Variants in TVP23A observed in about 807,000 individuals in gnomAD.
TVP23A encodes the protein trans-golgi network vesicle protein 23 homolog A.
In TVP23A, 21 loss-of-function variants were observed where a neutral mutation model predicts 31.7. That is an observed-to-expected ratio of 0.66 (90% CI 0.47 to 0.95). The LOEUF (loss-of-function observed/expected upper bound fraction) is 0.95. Ranked by LOEUF, TVP23A falls within the 40% of genes least tolerant of loss-of-function variation. The pLI, the probability that TVP23A is intolerant of heterozygous loss-of-function variation, is 0.00. For missense variants in TVP23A, 279 were observed against 255.6 expected, an observed-to-expected ratio of 1.09 and a Z score of -0.62; for synonymous variants, 104 against 96.0, an observed-to-expected ratio of 1.08 and a Z score of -0.49.
At chr16:10,812,168 T>C (rs1398980544) in intron 2 of TVP23A, among the ~76,000 whole-genome samples, 2 of 150,200 alleles carry the variant, frequency 1.3e-5, no homozygotes, top group Admixed American at 1.3e-4. Flanking sequence ...GCAGCATCAT[T>C]AACCATTAGG....
At chr16:10,803,356 G>C (rs1312399379) in intron 2 of TVP23A, among the ~76,000 whole-genome samples, 1 of 151,728 alleles carries the variant, frequency 6.6e-6, no homozygotes, top group South Asian at 2.1e-4. Context: ...ATTGAGCTTA[G>C]AGCAACAACA....
At chr16:10,806,300 A>G (rs955175819) in intron 2 of TVP23A, among the ~76,000 whole-genome samples, 13 of 152,114 alleles carry the variant, frequency 8.5e-5, no homozygotes, top group Admixed American at 6.5e-4. Flanking sequence ...CCAAGGTTGT[A>G]CCAATGTACT....
intron 2 of TVP23A, 37 bp from the exon 3 acceptor site, chr16:10,775,133 G>C (rs770778150): frequency 6.3e-7 from 1 of 1,584,112 alleles, no homozygotes; most frequent in South Asian, 1.2e-5. Context: ...CACTCCAAGA[G>C]CTAAGCGGAT....
At chr16:10,808,297 A>C (rs17763310) in intron 2 of TVP23A, among the ~76,000 whole-genome samples, 1 of 152,300 alleles carries the variant, frequency 6.6e-6, no homozygotes. Flanking sequence ...TTTGTATCCA[A>C]TGGCAGATAA....
chr16:10,787,367 C>T (rs1250480736), intron 2 of TVP23A, among the ~76,000 whole-genome samples: 2 of 152,098 alleles, frequency 1.3e-5, no homozygotes, highest in Non-Finnish European at 2.9e-5. Context: ...GAAGCTTGCA[C>T]AGGTGAAGGC....
At chr16:10,803,047 G>C (rs1347536365) in intron 2 of TVP23A, among the ~76,000 whole-genome samples, 1 of 152,168 alleles carries the variant, frequency 6.6e-6, no homozygotes, top group African/African-American at 2.4e-5. Context: ...ACTTTGGGAG[G>C]CTGAGGTGGA....
At chr16:10,809,903 A>C (rs1873173417) in intron 2 of TVP23A, among the ~76,000 whole-genome samples, 1 of 152,174 alleles carries the variant, frequency 6.6e-6, no homozygotes, top group Non-Finnish European at 1.5e-5. Flanking sequence ...AAGAACCAAA[A>C]ATGTATGCCC....
At chr16:10,776,595 G>A (rs563482920) in intron 2 of TVP23A, among the ~76,000 whole-genome samples, 1 of 152,210 alleles carries the variant, frequency 6.6e-6, no homozygotes, top group South Asian at 2.1e-4. Flanking sequence ...ACCAGAAAGG[G>A]TTTCAGATCC....
At chr16:10,811,343 A>G (rs1196835861) in intron 2 of TVP23A, among the ~76,000 whole-genome samples, 1 of 152,118 alleles carries the variant, frequency 6.6e-6, no homozygotes, top group Non-Finnish European at 1.5e-5. Context: ...ATAATGGCTT[A>G]CTGCAGCCTT....
chr16:10,771,665 C>G lies in TVP23A; in HGVS notation c.582+5G>C. 1 of 1,613,816 alleles carries G rather than the reference C, an allele frequency of 6.2e-7. No individual in the cohort carries two copies. Among genetic ancestry groups the G allele is most frequent in the Non-Finnish European group, 8.5e-7 (1 of 1,179,792 alleles). On this transcript the variant is annotated splice_donor_5th_base_variant and intron_variant, in intron 6 of 7. Transcript: ENST00000299866. ...TGGTCCAAGAGTCAGACCTCAGTTACTCACCGTCTGGAACACTGTCTGGGA... is the reference window on the plus strand; with the variant it reads ...TGGTCCAAGAGTCAGACCTCAGTTAGTCACCGTCTGGAACACTGTCTGGGA...
At chr16:10,790,785 G>A (rs1196991226) in intron 2 of TVP23A, among the ~76,000 whole-genome samples, 3 of 152,182 alleles carry the variant, frequency 2.0e-5, no homozygotes, top group Non-Finnish European at 4.4e-5. Context: ...CTCAAATGTA[G>A]TTTGCGGTAA....
In TVP23A at chr16:10,779,846, T is replaced by C. The variant is rs2032311718; in HGVS notation, c.90-4750A>G. ...CTCACGCCTGTAATCCCCAGCCCTT[T>C]GGGAAGCTGAGGCAGGCAGATCACT... On this transcript the variant is annotated intron_variant, in intron 2 of 7. Transcript: ENST00000299866. The surrounding 1 kb of genome is among the most constrained non-coding windows in gnomAD (Gnocchi z 4.9). Among the ~76,000 whole-genome samples the C allele has an allele frequency of 6.6e-6, 1 of 152,180 alleles. No homozygotes were observed. The highest frequency in any genetic ancestry group is 1.5e-5 in the Non-Finnish European group (1 of 68,028).
chr16:10,768,346 G>A lies in TVP23A; in HGVS notation c.*756C>T, dbSNP rs2031209380. 2 of 188,880 alleles carry A rather than the reference G, an allele frequency of 1.1e-5. No individual in the cohort carries two copies. Among genetic ancestry groups the A allele is most frequent in the South Asian group, 2.2e-4 (2 of 9,186 alleles). 11.7% of individuals were successfully genotyped at this position (188,880 alleles called of 1,614,324 possible). On this transcript the variant is annotated 3_prime_UTR_variant, in exon 8 of 8. Transcript: ENST00000299866. The surrounding 1 kb of genome is among the most constrained non-coding windows in gnomAD (Gnocchi z 4.3). ...GGCCAGGTGCAGTGGCTCACACCTG[G>A]AATCCCAGCACTTTGGGTGAAGGAG...
chr16:10,818,410 C>T lies in TVP23A; in HGVS notation c.9+75G>A. ...GCCCCGGCGCATCCCTCCTCCTCCT[C>T]CCGGCTTCTCCAGCGCTCCCGCAGG... On this transcript the variant is annotated intron_variant, in intron 1 of 7. Transcript: ENST00000299866. The surrounding 1 kb of genome is among the most constrained non-coding windows in gnomAD (Gnocchi z 4.7). 6.4e-7 allele frequency: 1 copy of T among 1,569,396 alleles called. No individual in the cohort carries two copies. Among genetic ancestry groups the T allele is most frequent in the Non-Finnish European group, 8.6e-7 (1 of 1,160,816 alleles).
At chr16:10,806,813 T>C (rs1173456600) in intron 2 of TVP23A, among the ~76,000 whole-genome samples, 1 of 152,234 alleles carries the variant, frequency 6.6e-6, no homozygotes, top group African/African-American at 2.4e-5. Context: ...TTCAGTGATT[T>C]TGTTGTGGAC....
In TVP23A at chr16:10,796,418, G is replaced by GATTTTATTTT. The variant is rs370573686; in HGVS notation, c.90-21332_90-21323dup. Reference sequence around the variant, plus strand: ...GGTGAGAAGCCTATGTAGTAAAAGGGATTTTATTTTATTTTATTTTATTTT... The same window carrying GATTTTATTTT: ...GGTGAGAAGCCTATGTAGTAAAAGGGATTTTATTTTATTTTATTTTATTTTATTTTATTTT... On this transcript the variant is annotated intron_variant, in intron 2 of 7. Transcript: ENST00000299866. Among the ~76,000 whole-genome samples the GATTTTATTTT allele has an allele frequency of 6.5e-3, 991 of 151,714 alleles. 11 individuals are homozygous for GATTTTATTTT. Among genetic ancestry groups the GATTTTATTTT allele is most frequent in the African/African-American group, 0.023 (934 of 41,256 alleles).
In TVP23A at chr16:10,770,701, C is replaced by T. The variant is rs188979627; in HGVS notation, c.583-370G>A. Among the ~76,000 whole-genome samples, 1,268 of 151,312 alleles carry T rather than the reference C, an allele frequency of 8.4e-3. 17 individuals are homozygous for T. The highest frequency in any genetic ancestry group is 0.029 in the African/African-American group (1,215 of 41,266). ...CAGCCTGGTCAACATGGAGAGACCC[C>T]GTCTACTATAAATACAAAAATTAGC... On this transcript the variant is annotated intron_variant, in intron 6 of 7. Transcript: ENST00000299866.
chr16:10,780,378 T>C (rs1596513675), intron 2 of TVP23A, among the ~76,000 whole-genome samples: 1 of 152,284 alleles, frequency 6.6e-6, no homozygotes, highest in East Asian at 1.9e-4. Flanking sequence ...AAATGGGTCC[T>C]TTGTTATCTT....
At chr16:10,773,731 C>T (rs564210045) in intron 4 of TVP23A, among the ~76,000 whole-genome samples, 1 of 152,100 alleles carries the variant, frequency 6.6e-6, no homozygotes, top group African/African-American at 2.4e-5. Flanking sequence ...CCACCACGCC[C>T]AGCTAATTTT....
Sources: gnomAD v4.1 joint callset for allele counts (sites outside exome capture counted in the v4.1 genomes callset) on GRCh38, gnomAD v4.1.1 for gene constraint, Gnocchi (gnomAD v3.1) non-coding constraint, MANE v1.5 for transcripts, NCBI Gene and HGNC (gene_info 2026-07-23, HGNC 2026-07-21) for gene names.